HK3: variants seen among roughly 807,000 people sequenced by gnomAD.
HK3 encodes the protein hexokinase 3.
Under a neutral mutation model 91.0 loss-of-function variants are expected in HK3, and 93 were observed. The ratio of observed to expected loss-of-function variants is 1.02; its 90% CI spans 0.86 to 1.21. The LOEUF is 1.21. HK3 is among the 50% of genes most tolerant of loss of function. HK3 has a pLI of 0.00. For synonymous variants in HK3, 519 were observed against 516.9 expected, an observed-to-expected ratio of 1.00 and a Z score of -0.06; for missense variants, 1,235 against 1,247.4, an observed-to-expected ratio of 0.99 and a Z score of 0.15.
intron 1 of HK3, among the ~76,000 whole-genome samples, chr5:176,896,736 AG>A (rs1403228657): frequency 6.6e-6 from 1 of 152,200 alleles, no homozygotes; most frequent in Non-Finnish European, 1.5e-5. Context: ...TGAAGGCAAC[AG>A]GGGTCATGGA....
intron 9 of HK3, 25 bp from the exon 10 acceptor site, chr5:176,888,590 G>A: frequency 6.3e-7 from 1 of 1,592,974 alleles, no homozygotes; most frequent in Non-Finnish European, 8.6e-7. Context: ...GAAGTGGTTT[G>A]GGGCTCAGCC....
At position 176,883,901 on chromosome 5, in the gene HK3, G is replaced by C. The variant is rs190254695; in HGVS notation, c.1954-32C>G. 7.5e-6 allele frequency: 12 copies of C among 1,609,226 alleles called. No homozygotes were observed. The Admixed American group carries it at 1.0e-4, about 13-fold the overall frequency. ...ACAAAAGGATGCTGCTAGTTGCTGG[G>C]CAACGCGGTCGTCACAGCAACCAGC... On this transcript the variant is annotated intron_variant, in intron 14 of 18. Transcript: ENST00000292432.
chr5:176,883,788 C>T lies in HK3; in HGVS notation c.2035G>A (p.Glu679Lys), dbSNP rs757892659. The change falls in exon 15 of 19, where the codon GAG becomes AAG. Residue 679 changes from glutamate to lysine, a missense_variant. Glu to Lys is a moderately conservative substitution (Grantham distance 56). Transcript: ENST00000292432. ...MSCGYEDPRCEIGLIVGTGTN... is the reference protein window; with the variant it reads ...MSCGYEDPRCKIGLIVGTGTN... ...TCCTCACCGACAATGAGGCCTATCT[C>T]GCAACGGGGGTCCTCATAGCCACAG... 59 of 1,613,810 alleles carry T rather than the reference C, an allele frequency of 3.7e-5. No individual in the cohort carries two copies. The highest frequency in any genetic ancestry group is 1.6e-4 in the Middle Eastern group (1 of 6,082).
rs769768454 is a variant in HK3, at chr5:176,881,044, G to T, written c.*29C>A. On this transcript the variant is annotated 3_prime_UTR_variant, in exon 19 of 19. Coordinates refer to ENST00000292432, the MANE Select transcript of HK3 (RefSeq NM_002115.3). ...CCGACCCGGCTCCAGCAAGGCTGCGGCGGAGACCTCCTCAGCCTGGAGGTT... is the reference window on the plus strand; with the variant it reads ...CCGACCCGGCTCCAGCAAGGCTGCGTCGGAGACCTCCTCAGCCTGGAGGTT... 1.3e-6 allele frequency: 2 copies of T among 1,571,544 alleles called. No homozygotes were observed. Among genetic ancestry groups the T allele is most frequent in the African/African-American group, 2.7e-5 (2 of 73,114 alleles).
At chr5:176,897,888 A>G (rs955708494) in intron 1 of HK3, among the ~76,000 whole-genome samples, 1 of 152,088 alleles carries the variant, frequency 6.6e-6, no homozygotes, top group Non-Finnish European at 1.5e-5. Flanking sequence ...GTTAGACATC[A>G]CTATCTGGAT....
Position 176,896,202 on chromosome 5 carries a change from A to G in HK3, c.-26-17T>C, listed in dbSNP as rs780549263. On this transcript the variant is annotated splice_polypyrimidine_tract_variant and intron_variant, in intron 1 of 18. Coordinates refer to ENST00000292432, the MANE Select transcript of HK3 (RefSeq NM_002115.3). ...GGTGGCCACCTATGGGAGAAAAGGGACAACCTGGGTCAACCATTTACTCTA... is the reference window on the plus strand; with the variant it reads ...GGTGGCCACCTATGGGAGAAAAGGGGCAACCTGGGTCAACCATTTACTCTA... 1.4e-5 allele frequency: 21 copies of G among 1,458,300 alleles called. No individual in the cohort carries two copies. The Middle Eastern group carries it at 2.4e-3, about 164-fold the overall frequency. 90.3% of individuals were successfully genotyped at this position (1,458,300 alleles called of 1,614,324 possible).
chr5:176,897,965 T>C (rs565235543), intron 1 of HK3, among the ~76,000 whole-genome samples: 92 of 152,282 alleles, frequency 6.0e-4, no homozygotes, highest in African/African-American at 2.2e-3. Context: ...CCCACAAAGC[T>C]CTTCTGTTCT....
intron 8 of HK3, 81 bp from the exon 9 acceptor site, chr5:176,888,945 A>G: frequency 6.7e-7 from 1 of 1,499,552 alleles, no homozygotes; most frequent in Non-Finnish European, 9.0e-7. Context: ...GTTCCCAAAG[A>G]AGGATTCTTT....
In HK3 at chr5:176,887,651, G is replaced by A. The variant is rs367626464; in HGVS notation, c.1400C>T (p.Ala467Val). The A allele has an allele frequency of 1.8e-5, 29 of 1,613,596 alleles. No individual in the cohort carries two copies. Among genetic ancestry groups the A allele is most frequent in the Admixed American group, 3.3e-5 (2 of 59,976 alleles). ...PSVDGGGRGV[A>V]MVTAVAARLA... ...ACGGGCAGCCACGGCAGTCACCATC[G>A]CCACTCCCCGGCCACCACCATCCAC... The change falls in exon 11 of 19, where the codon GCG becomes GTG. Residue 467 changes from alanine (A) to valine (V), a missense_variant. Coordinates refer to ENST00000292432, the MANE Select transcript of HK3 (RefSeq NM_002115.3). The surrounding 1 kb of genome is among the most constrained non-coding windows in gnomAD (Gnocchi z 4.9).
At chr5:176,885,589 T>C (rs989673305) in intron 13 of HK3, among the ~76,000 whole-genome samples, 3 of 151,942 alleles carry the variant, frequency 2.0e-5, no homozygotes, top group Non-Finnish European at 4.4e-5. Flanking sequence ...GCCCGGCTAA[T>C]TTTTGTATTT....
chr5:176,883,799 T>C lies in HK3; in HGVS notation c.2024A>G (p.Asp675Gly), dbSNP rs775865208. 23 of 1,613,432 alleles carry C rather than the reference T, an allele frequency of 1.4e-5. No homozygotes were observed. Among genetic ancestry groups the C allele is most frequent in the Non-Finnish European group, 1.8e-5 (21 of 1,179,912 alleles). The change falls in exon 15 of 19, where the codon GAC (aspartate) becomes GGC (glycine). Residue 675 changes from aspartate to glycine, a missense_variant. By Grantham distance (94) the Asp-to-Gly change is moderately conservative. Coordinates refer to ENST00000292432, the MANE Select transcript of HK3 (RefSeq NM_002115.3). ...AATGAGGCCTATCTCGCAACGGGGG[T>C]CCTCATAGCCACAGGACATCATGGT... The part of the protein sequence containing the change: ...VGTMMSCGYE[D>G]PRCEIGLIVG...
chr5:176,883,789 G>T lies in HK3; in HGVS notation c.2034C>A (p.Cys678Ter), dbSNP rs140261586. 1.9e-6 allele frequency: 3 copies of T among 1,613,662 alleles called. No homozygotes were observed. Among genetic ancestry groups the T allele is most frequent in the East Asian group, 2.2e-5 (1 of 44,890 alleles). Residue 678 changes from cysteine (C) to a stop codon, truncating the protein, a stop_gained, in exon 15 of 19, where the codon TGC (cysteine) becomes TGA (stop). Transcript: ENST00000292432. LOFTEE classifies it high-confidence loss of function. Reference sequence around the variant, plus strand: ...CCTCACCGACAATGAGGCCTATCTCGCAACGGGGGTCCTCATAGCCACAGG... The same window carrying T: ...CCTCACCGACAATGAGGCCTATCTCTCAACGGGGGTCCTCATAGCCACAGG... ...MMSCGYEDPRCEIGLIVGTGT... is the reference protein window; with the variant it reads ...MMSCGYEDPR
rs756773406 is a variant in HK3 at position 176,882,108 on chromosome 5, G to A, written c.2073C>T (p.Cys691=). The A allele has an allele frequency of 6.2e-7, 1 of 1,613,066 alleles. No homozygotes were observed. Among genetic ancestry groups the A allele is most frequent in the Admixed American group, 1.7e-5 (1 of 60,028 alleles). The change falls in exon 16 of 19, where the codon TGC becomes TGT. Residue 691 remains cysteine, a synonymous_variant. Transcript: ENST00000292432. ...CCACATTCCGGAGCTCCTCCATGTAGCAGGCATTGGTGCCGGTTCCTGCAG... is the reference window on the plus strand; with the variant it reads ...CCACATTCCGGAGCTCCTCCATGTAACAGGCATTGGTGCCGGTTCCTGCAG... ...GLIVGTGTNA[C]YMEELRNVAG...
Position 176,887,728 on chromosome 5 carries a change from C to T in HK3, c.1323G>A (p.Gln441=). 6.2e-7 allele frequency: 1 copy of T among 1,609,088 alleles called. No homozygotes were observed. Among genetic ancestry groups the T allele is most frequent in the Non-Finnish European group, 8.5e-7 (1 of 1,176,376 alleles). ...ERHPRFCSVL[Q]GTVMLLAPEC... The stretch of plus-strand genomic sequence containing the variant: ...CCGGGGCCAGGAGCATCACTGTCCC[C>T]TGCAGGACGCTGCAGAACCTACAGA... The change falls in exon 11 of 19, where the codon CAG becomes CAA. Residue 441 remains glutamine, a synonymous_variant. Transcript: ENST00000292432. This position sits in a 1 kb window ranked among gnomAD's most constrained non-coding sequence, Gnocchi z 4.9.
rs768458525 is a variant in HK3, at chr5:176,889,448, G to A, written c.847C>T (p.Leu283=). The part of the protein sequence containing the change: ...EWGSFSDDGA[L]GPVLTTFDHT... ...TCGAAGGTGGTCAGCACTGGTCCCA[G>A]CGCCCCATCATCGCTGAAGGAGCCC... The change falls in exon 8 of 19, where the codon CTG becomes TTG. Residue 283 remains leucine (L), a synonymous_variant. Transcript: ENST00000292432. The A allele has an allele frequency of 5.6e-6, 9 of 1,614,200 alleles. No homozygotes were observed. The Admixed American group carries it at 1.3e-4, about 24-fold the overall frequency.
Position 176,889,711 on chromosome 5 carries a change from C to A in HK3, c.664G>T (p.Asp222Tyr). The change falls in exon 7 of 19, where the codon GAC (aspartate) becomes TAC (tyrosine). Residue 222 changes from aspartate to tyrosine, a missense_variant. By Grantham distance (160) the Asp-to-Tyr change is radical (BLOSUM62 -3). Coordinates refer to ENST00000292432, the MANE Select transcript of HK3 (RefSeq NM_002115.3). The stretch of plus-strand genomic sequence containing the variant: ...CAGCCCATCATGGTGCCCACTGTGT[C>A]GTTCACCACAGCAACCACGTCGATG... The part of the protein sequence containing the change: ...YNIDVVAVVN[D>Y]TVGTMMGCEP... 1.2e-6 allele frequency: 2 copies of A among 1,614,120 alleles called. No individual in the cohort carries two copies. The highest frequency in any genetic ancestry group is 1.1e-5 in the South Asian group (1 of 91,062).
chr5:176,888,594 C>T (rs1344949929), intron 9 of HK3, 29 bp from the exon 10 acceptor site: 2 of 1,595,900 alleles, frequency 1.3e-6, no homozygotes, highest in Admixed American at 3.4e-5. Flanking sequence ...TGGTTTGGGG[C>T]TCAGCCCAGA....
In HK3 at chr5:176,888,537, C is replaced by T. The variant is rs374550151; in HGVS notation, c.1099G>A (p.Ala367Thr). ...DPSTGAARVH[A>T]ILQDLGLSPG... ...CTCAGGCCCAAGTCCTGCAGGATAG[C>T]ATGGACACGGGCTGCCCCAGTAGAG... Residue 367 changes from alanine (A) to threonine (T), a missense_variant, in exon 10 of 19, where the codon GCT (alanine) becomes ACT (threonine). This residue lies in a region of HK3 where 717 missense variants were observed against 751.6 expected (regional missense o/e 0.95). Transcript: ENST00000292432. 4 of 1,558,402 alleles carry T rather than the reference C, an allele frequency of 2.6e-6. No individual in the cohort carries two copies. In the African/African-American group the frequency reaches 5.5e-5, roughly 21 times the overall value.
intron 5 of HK3, 28 bp downstream of exon 5, chr5:176,890,794 C>A: frequency 1.2e-6 from 2 of 1,614,186 alleles, no homozygotes; most frequent in South Asian, 2.2e-5. Flanking sequence ...CACCCTCTAC[C>A]CAGCGTCCCA....
Sources: allele counts gnomAD v4.1 joint callset (sites outside exome capture counted in the v4.1 genomes callset), GRCh38; gene constraint gnomAD v4.1.1; regional missense constraint gnomAD v4.1.1; non-coding constraint Gnocchi (gnomAD v3.1); transcripts MANE v1.5; gene names NCBI Gene and HGNC (gene_info 2026-07-23, HGNC 2026-07-21).